ZNF148: variants seen among roughly 807,000 people sequenced by gnomAD.
ZNF148 encodes the protein zinc finger protein 148.
A neutral mutation model predicts 67.7 loss-of-function variants in ZNF148; 7 were observed. That is an observed-to-expected ratio of 0.10 (90% CI 0.06 to 0.19). The LOEUF is 0.19. ZNF148 is among the 10% of genes least tolerant of loss of function. The pLI is 1.00. For synonymous variants in ZNF148, 333 were observed against 330.7 expected, an observed-to-expected ratio of 1.01 and a Z score of -0.08; for missense variants, 583 against 947.1, an observed-to-expected ratio of 0.62 and a Z score of 5.05.
rs538060139 is a variant in ZNF148 at position 125,275,966 on chromosome 3, T to A, written c.667+1760A>T. On this transcript the variant is annotated intron_variant, in intron 7 of 8. Coordinates refer to ENST00000360647, the MANE Select transcript of ZNF148 (RefSeq NM_021964.3). ...TCAGGGCACAATAGTATCTTGAGAA[T>A]TTTGTATAAAATTCTACAACACTTA... Among the ~76,000 whole-genome samples, 4 of 152,328 alleles carry A rather than the reference T, an allele frequency of 2.6e-5. No homozygotes were observed. The South Asian group carries it at 6.2e-4, about 24-fold the overall frequency.
Position 125,322,590 on chromosome 3 carries a change from A to G in ZNF148, c.-17+719T>C, listed in dbSNP as rs1441035577. On this transcript the variant is annotated intron_variant, in intron 3 of 8. Transcript: ENST00000360647. ...CTTTTTCTTCTTATTAGCAGACACA[A>G]TGGTAACCATCCTCGCCCACAATAC... Among the ~76,000 whole-genome samples the G allele has an allele frequency of 3.9e-5, 6 of 152,122 alleles. 1 individual carries two copies. Among genetic ancestry groups the G allele is most frequent in the Non-Finnish European group, 7.3e-5 (5 of 68,030 alleles).
At position 125,232,710 on chromosome 3, in the gene ZNF148, A is replaced by G; in HGVS notation, c.2016T>C (p.Asp672=). The part of the protein sequence containing the change: ...GMNSPLRTTP[D]KSHFGLIVGD... Reference sequence around the variant, plus strand: ...CAACTATTAGTCCAAAGTGGGACTTATCTGGAGTTGTTCTTAGTGGAGAAT... The same window carrying G: ...CAACTATTAGTCCAAAGTGGGACTTGTCTGGAGTTGTTCTTAGTGGAGAAT... The change falls in exon 9 of 9, where the codon GAT becomes GAC. Residue 672 remains aspartate, a synonymous_variant. Coordinates refer to ENST00000360647, the MANE Select transcript of ZNF148 (RefSeq NM_021964.3). The surrounding 1 kb of genome is among the most constrained non-coding windows in gnomAD (Gnocchi z 4.2). 1 of 1,613,924 alleles carries G rather than the reference A, an allele frequency of 6.2e-7. No homozygotes were observed. Among genetic ancestry groups the G allele is most frequent in the Non-Finnish European group, 8.5e-7 (1 of 1,179,826 alleles).
intron 2 of ZNF148, among the ~76,000 whole-genome samples, chr3:125,324,066 G>A (rs1450989866): frequency 6.6e-6 from 1 of 151,930 alleles, no homozygotes; most frequent in Non-Finnish European, 1.5e-5. Flanking sequence ...TAAAAGGTTA[G>A]AAAAAACAAA....
intron 6 of ZNF148, among the ~76,000 whole-genome samples, chr3:125,278,645 C>T (rs1193903913): frequency 6.6e-6 from 1 of 152,118 alleles, no homozygotes; most frequent in Non-Finnish European, 1.5e-5. Flanking sequence ...TTCAATGAAT[C>T]TCCCTTATAA....
At chr3:125,356,268 A>G (rs1456128809) in intron 1 of ZNF148, among the ~76,000 whole-genome samples, 1 of 152,216 alleles carries the variant, frequency 6.6e-6, no homozygotes, top group Non-Finnish European at 1.5e-5. Context: ...CACCAAACAG[A>G]CAAACACCCA....
chr3:125,344,673 T>C, intron 1 of ZNF148: 1 of 656,746 alleles, frequency 1.5e-6, no homozygotes, highest in Admixed American at 2.0e-5. Context: ...TTTGATTTTC[T>C]CTCTGCTTCT....
chr3:125,263,878 T>C (rs1030106951), intron 7 of ZNF148, among the ~76,000 whole-genome samples: 2 of 152,130 alleles, frequency 1.3e-5, no homozygotes, highest in African/African-American at 2.4e-5. Context: ...AGGCCTTGAG[T>C]AGAAGCCTAG....
At chr3:125,321,456 A>T (rs890503617) in intron 3 of ZNF148, among the ~76,000 whole-genome samples, 1 of 152,176 alleles carries the variant, frequency 6.6e-6, no homozygotes, top group African/African-American at 2.4e-5. Context: ...ATATTTGAAT[A>T]AGTCAAAGTT....
intron 7 of ZNF148, among the ~76,000 whole-genome samples, chr3:125,266,343 A>G (rs2107583521): frequency 6.6e-6 from 1 of 152,272 alleles, no homozygotes; most frequent in South Asian, 2.1e-4. Context: ...GTCTCAATAA[A>G]TTCAAAAAAA....
In ZNF148 at chr3:125,248,568, A is replaced by G. The variant is rs780661977; in HGVS notation, c.668-14239T>C. Reference sequence around the variant, plus strand: ...TCTCAGAAAGCATACTTTTTTCATGACTAAAATCATTTTCCTAATCAGGGT... The same window carrying G: ...TCTCAGAAAGCATACTTTTTTCATGGCTAAAATCATTTTCCTAATCAGGGT... On this transcript the variant is annotated intron_variant, in intron 7 of 8. Transcript: ENST00000360647. Among the ~76,000 whole-genome samples, 67 of 152,226 alleles carry G rather than the reference A, an allele frequency of 4.4e-4. 2 individuals carry two copies. The highest frequency in any genetic ancestry group is 4.3e-3 in the Admixed American group (66 of 15,284).
intron 3 of ZNF148, among the ~76,000 whole-genome samples, chr3:125,317,967 A>G (rs1206045221): frequency 6.6e-6 from 1 of 151,994 alleles, no homozygotes; most frequent in Non-Finnish European, 1.5e-5. Flanking sequence ...AGTGAGTCAT[A>G]CCTCTATCAT....
Position 125,305,636 on chromosome 3 carries a change from ACT to A in ZNF148, c.333+7670_333+7671del, listed in dbSNP as rs369446853. ...AGACTAGCCTGGGCAACATAGTGAG[ACT>A]CTGTCTCTACAAAAAAATTTTAAAA... On this transcript the variant is annotated intron_variant, in intron 4 of 8. Coordinates refer to ENST00000360647, the MANE Select transcript of ZNF148 (RefSeq NM_021964.3). Among the ~76,000 whole-genome samples, 327 of 151,996 alleles carry A rather than the reference ACT, an allele frequency of 2.2e-3. 2 individuals carry two copies. The highest frequency in any genetic ancestry group is 7.7e-3 in the African/African-American group (317 of 41,426).
intron 1 of ZNF148, chr3:125,344,210 T>G: frequency 3.1e-6 from 1 of 326,416 alleles, no homozygotes; most frequent in South Asian, 3.1e-5. Flanking sequence ...TTTCTGCCAT[T>G]AGCCATTTTA....
intron 3 of ZNF148, among the ~76,000 whole-genome samples, chr3:125,316,182 T>C (rs1940484122): frequency 6.6e-6 from 1 of 152,214 alleles, no homozygotes; most frequent in Non-Finnish European, 1.5e-5. Context: ...CTGGATCTCA[T>C]TCTTTCTTTA....
At chr3:125,257,856 T>C (rs1030693245) in intron 7 of ZNF148, among the ~76,000 whole-genome samples, 1 of 152,196 alleles carries the variant, frequency 6.6e-6, no homozygotes, top group African/African-American at 2.4e-5. Context: ...TGAAAACTGC[T>C]CTTGTCTTGT....
chr3:125,330,791 TTG>T (rs1941258194), intron 2 of ZNF148, among the ~76,000 whole-genome samples: 1 of 152,138 alleles, frequency 6.6e-6, no homozygotes, highest in Non-Finnish European at 1.5e-5. Flanking sequence ...TTCTTTCATG[TTG>T]TGTGAAAGAT....
At chr3:125,372,161 C>A (rs1210532249) in intron 1 of ZNF148, among the ~76,000 whole-genome samples, 2 of 152,020 alleles carry the variant, frequency 1.3e-5, no homozygotes, top group Non-Finnish European at 2.9e-5. Flanking sequence ...ACAAGCAAAT[C>A]TTACACTGCA....
In ZNF148 at chr3:125,230,033, G is replaced by A. The variant is rs1935788350; in HGVS notation, c.*2308C>T. 1 of 152,504 alleles carries A rather than the reference G, an allele frequency of 6.6e-6. No individual in the cohort carries two copies. Among genetic ancestry groups the A allele is most frequent in the Non-Finnish European group, 1.5e-5 (1 of 68,008 alleles). The allele number at this position is 152,504 out of a possible 1,614,324, so 9.4% of individuals were successfully genotyped here. On this transcript the variant is annotated 3_prime_UTR_variant, in exon 9 of 9. Transcript: ENST00000360647. Reference sequence around the variant, plus strand: ...AAAGAAATGTGTTGAAAACAGGAATGCAACACCTGAAAGTCTGCTTGCATA... The same window carrying A: ...AAAGAAATGTGTTGAAAACAGGAATACAACACCTGAAAGTCTGCTTGCATA...
At chr3:125,238,618 ACT>A (rs893713153) in intron 7 of ZNF148, among the ~76,000 whole-genome samples, 20 of 152,168 alleles carry the variant, frequency 1.3e-4, no homozygotes, top group Admixed American at 2.6e-4. Flanking sequence ...ACAGAAAAAG[ACT>A]CTGTCTAAAG....
Sources: allele counts gnomAD v4.1 joint callset (sites outside exome capture counted in the v4.1 genomes callset), GRCh38; gene constraint gnomAD v4.1.1; non-coding constraint Gnocchi (gnomAD v3.1); transcripts MANE v1.5; gene names NCBI Gene and HGNC (gene_info 2026-07-23, HGNC 2026-07-21).